The following XKR6 variants were observed in gnomAD, a reference collection of about 807,000 sequenced individuals.
XKR6 encodes the protein XK related 6.
Under a neutral mutation model 56.7 loss-of-function variants are expected in XKR6, and 22 were observed. That is an observed-to-expected ratio of 0.39 (90% CI 0.28 to 0.55). The LOEUF is 0.55. XKR6 is among the 20% of genes least tolerant of loss of function. The pLI, the probability that XKR6 is intolerant of heterozygous loss-of-function variation, is 0.66. For missense variants in XKR6, 852 were observed against 889.0 expected, an observed-to-expected ratio of 0.96 and a Z score of 0.53; for synonymous variants, 524 against 387.8, an observed-to-expected ratio of 1.35 and a Z score of -4.13.
chr8:11,130,161 A>G (rs1394266133), intron 1 of XKR6, among the ~76,000 whole-genome samples: 2 of 152,046 alleles, frequency 1.3e-5, no homozygotes, highest in Non-Finnish European at 2.9e-5. Flanking sequence ...AGGAAATAAC[A>G]CTATTTTGTG....
intron 1 of XKR6, among the ~76,000 whole-genome samples, chr8:11,052,686 G>C (rs374344880): frequency 5.3e-5 from 8 of 152,072 alleles, no homozygotes; most frequent in African/African-American, 1.7e-4. Flanking sequence ...GTTAAAGCTG[G>C]TGTCCTCTCC....
Position 11,024,994 on chromosome 8 carries a change from C to T in XKR6, c.765-100164G>A, listed in dbSNP as rs538334207. 5.9e-5 allele frequency among the ~76,000 whole-genome samples: 9 copies of T among 152,320 alleles called. No homozygotes were observed. The East Asian group carries it at 1.7e-3, about 29-fold the overall frequency. ...CCTCAGGCCCTGTGGCTCCCAGTAA[C>T]CAAAGTCCACAGGAGGGGTGGTGCA... On this transcript the variant is annotated intron_variant, in intron 1 of 2. Coordinates refer to ENST00000416569, the MANE Select transcript of XKR6 (RefSeq NM_173683.4).
intron 1 of XKR6, among the ~76,000 whole-genome samples, chr8:11,110,987 C>A (rs1798865035): frequency 6.6e-6 from 1 of 151,242 alleles, no homozygotes; most frequent in African/African-American, 2.4e-5. Context: ...CAGGCGCCTG[C>A]CACCACGCCT....
chr8:10,920,664 C>G (rs28655629), intron 2 of XKR6, among the ~76,000 whole-genome samples: 34,335 of 152,208 alleles, frequency 0.23, 4,301 homozygotes, highest in African/African-American at 0.29. Context: ...AAAATTGTCT[C>G]GTGATGAGGA....
intron 1 of XKR6, among the ~76,000 whole-genome samples, chr8:11,094,469 C>A (rs567898149): frequency 1.3e-5 from 2 of 152,172 alleles, no homozygotes; most frequent in African/African-American, 4.8e-5. Flanking sequence ...GGAGTACAGG[C>A]CAGAGCCACT....
At chr8:11,092,336 C>T (rs558904736) in intron 1 of XKR6, among the ~76,000 whole-genome samples, 49 of 152,272 alleles carry the variant, frequency 3.2e-4, no homozygotes, top group South Asian at 2.7e-3. Context: ...TAATACATAT[C>T]CTTACAACCT....
chr8:10,903,510 C>A (rs776252374), intron 2 of XKR6, among the ~76,000 whole-genome samples: 2 of 152,106 alleles, frequency 1.3e-5, no homozygotes, highest in African/African-American at 2.4e-5. Flanking sequence ...GTTGTGTCCC[C>A]CCCACAAAAT....
chr8:10,981,477 C>A (rs903837070), intron 1 of XKR6, among the ~76,000 whole-genome samples: 2 of 152,180 alleles, frequency 1.3e-5, no homozygotes, highest in African/African-American at 4.8e-5. Context: ...GAAGCGTTTC[C>A]AGAAAGTTGC....
At chr8:11,196,142 T>C (rs1004424487) in intron 1 of XKR6, among the ~76,000 whole-genome samples, 18 of 152,122 alleles carry the variant, frequency 1.2e-4, no homozygotes, top group African/African-American at 4.3e-4. Flanking sequence ...TATCTAAATA[T>C]TGAATATTAC....
At chr8:11,120,194 G>C (rs1799378968) in intron 1 of XKR6, among the ~76,000 whole-genome samples, 1 of 152,162 alleles carries the variant, frequency 6.6e-6, no homozygotes, top group South Asian at 2.1e-4. Context: ...AGGGCAATCA[G>C]GCAGCAGAAG....
intron 1 of XKR6, among the ~76,000 whole-genome samples, chr8:11,032,534 A>C (rs148954859): frequency 5.1e-4 from 78 of 152,306 alleles, no homozygotes; most frequent in African/African-American, 1.8e-3. Context: ...AACATGAAAA[A>C]AATGTTGGCC....
rs143647967 is a variant in XKR6, at chr8:11,111,459, C to T, written c.764+89117G>A. Reference sequence around the variant, plus strand: ...AATACAGGCCATTCTGAGACCGGTTCCAGACTGAAATTTTGTCTTTACTGC... The same window carrying T: ...AATACAGGCCATTCTGAGACCGGTTTCAGACTGAAATTTTGTCTTTACTGC... On this transcript the variant is annotated intron_variant, in intron 1 of 2. Coordinates refer to ENST00000416569, the MANE Select transcript of XKR6 (RefSeq NM_173683.4). Among the ~76,000 whole-genome samples the T allele has an allele frequency of 4.5e-3, 684 of 152,220 alleles. 6 individuals are homozygous for T. Among genetic ancestry groups the T allele is most frequent in the South Asian group, 0.016 (75 of 4,820 alleles).
chr8:11,194,673 T>G (rs773135427), intron 1 of XKR6: 1 of 151,306 alleles, frequency 6.6e-6, no homozygotes, highest in Non-Finnish European at 1.5e-5. Flanking sequence ...ACAGAATCTT[T>G]CCATCCCACA....
At chr8:11,036,727 G>A (rs955712363) in intron 1 of XKR6, among the ~76,000 whole-genome samples, 1 of 152,232 alleles carries the variant, frequency 6.6e-6, no homozygotes, top group Non-Finnish European at 1.5e-5. Flanking sequence ...ACGTAACTGT[G>A]TTTTTAAACC....
chr8:11,176,269 C>T (rs1490501677), intron 1 of XKR6, among the ~76,000 whole-genome samples: 1 of 152,128 alleles, frequency 6.6e-6, no homozygotes, highest in Non-Finnish European at 1.5e-5. Flanking sequence ...TCTTTATAAC[C>T]ATTTCTAAGA....
Position 11,200,972 on chromosome 8 carries a change from T to G in XKR6, c.368A>C (p.Glu123Ala). 1.3e-6 allele frequency: 2 copies of G among 1,508,522 alleles called. No homozygotes were observed. The highest frequency in any genetic ancestry group is 8.8e-7 in the Non-Finnish European group (1 of 1,130,276). The allele number at this position is 1,508,522 out of a possible 1,614,324, so 93.4% of individuals were successfully genotyped here. A position where few individuals can be genotyped will look rare whatever the true frequency, so the allele number is the denominator to read the frequency against. ...CCACAGGCAGTCGAGCCACGGCCGC[T>G]CCACCTGCGGCGGCGGCGGCTCCGG... ...ARPEPPPPQV[E>A]RPWLDCLWIV... Residue 123 changes from glutamate to alanine, a missense_variant, in exon 1 of 3, where the codon GAG becomes GCG. Glu to Ala is a moderately radical substitution (Grantham distance 107, BLOSUM62 -1). Transcript: ENST00000416569. The surrounding 1 kb of genome is among the most constrained non-coding windows in gnomAD (Gnocchi z 6.4).
intron 1 of XKR6, among the ~76,000 whole-genome samples, chr8:11,008,587 A>G (rs183617513): frequency 2.0e-5 from 3 of 151,738 alleles, no homozygotes; most frequent in African/African-American, 7.3e-5. Context: ...TGCCTGGCTA[A>G]TTTTTTCTTT....
In XKR6 at chr8:10,959,118, G is replaced by C. The variant is rs1801983774; in HGVS notation, c.765-34288C>G. Among the ~76,000 whole-genome samples the C allele has an allele frequency of 2.6e-5, 4 of 152,150 alleles. No homozygotes were observed. The South Asian group carries it at 8.3e-4, about 32-fold the overall frequency. ...GTGTTGGCTCGCTTTGGGGGTCCCT[G>C]GACTGAGCTCATGCACAGATAATGA... On this transcript the variant is annotated intron_variant, in intron 1 of 2. Transcript: ENST00000416569.
At chr8:11,112,535 T>G (rs1020225882) in intron 1 of XKR6, among the ~76,000 whole-genome samples, 5 of 152,236 alleles carry the variant, frequency 3.3e-5, no homozygotes, top group African/African-American at 7.2e-5. Flanking sequence ...AAACATTTAC[T>G]ATAGGCTTAA....
Sources: allele counts gnomAD v4.1 joint callset (sites outside exome capture counted in the v4.1 genomes callset), GRCh38; gene constraint gnomAD v4.1.1; non-coding constraint Gnocchi (gnomAD v3.1); transcripts MANE v1.5; gene names NCBI Gene and HGNC (gene_info 2026-07-23, HGNC 2026-07-21).